The following FAP variants were observed in gnomAD, a reference collection of about 807,000 sequenced individuals.
The protein encoded by FAP is prolyl endopeptidase FAP.
Under a neutral mutation model 126.5 loss-of-function variants are expected in FAP, and 110 were observed. The ratio of observed to expected loss-of-function variants is 0.87; its 90% confidence interval spans 0.74 to 1.02. FAP has a LOEUF of 1.02. FAP is among the 50% of genes least tolerant of loss of function. The pLI is 0.00. For missense variants in FAP, 919 were observed against 909.2 expected, an observed-to-expected ratio of 1.01 and a Z score of -0.14; for synonymous variants, 334 against 297.3, an observed-to-expected ratio of 1.12 and a Z score of -1.27.
At chr2:162,186,762 G>A (rs758504306) in intron 20 of FAP, among the ~76,000 whole-genome samples, 4 of 152,062 alleles carry the variant, frequency 2.6e-5, no homozygotes, top group Non-Finnish European at 5.9e-5. Flanking sequence ...GCAAATAGAT[G>A]TGAGCCATGG....
chr2:162,173,592 T>C (rs894676406), intron 23 of FAP, 131 bp downstream of exon 23: 14 of 687,472 alleles, frequency 2.0e-5, no homozygotes, highest in Non-Finnish European at 3.4e-5. Context: ...TAGTGATGTG[T>C]TTTGCAATTA....
chr2:162,188,124 AC>A, intron 20 of FAP, 44 bp downstream of exon 20: 2 of 1,467,686 alleles, frequency 1.4e-6, no homozygotes, highest in East Asian at 4.6e-5. Context: ...TGATTGCATG[AC>A]TTTTGTTGCA....
intron 14 of FAP, among the ~76,000 whole-genome samples, chr2:162,201,133 A>G (rs892408068): frequency 6.6e-6 from 1 of 152,200 alleles, no homozygotes; most frequent in African/African-American, 2.4e-5. Flanking sequence ...TTAAGTATCC[A>G]GGTTCTGATT....
chr2:162,242,956 C>G lies in FAP; in HGVS notation c.43G>C (p.Ala15Pro), dbSNP rs1355735603. ...CACATCACCAATAAGGCAAGCACAG[C>G]AGAGGTGGCAACTCCAAATACGATT... is the stretch of plus-strand genomic sequence containing the variant. ...VKIVFGVATSAVLALLVMCIV... is the reference protein window; with the variant it reads ...VKIVFGVATSPVLALLVMCIV... The change falls in exon 2 of 26, where the codon GCT becomes CCT. Residue 15 changes from alanine (A) to proline (P), a missense_variant. Transcript: ENST00000188790. 1 of 1,613,102 alleles carries G rather than the reference C, an allele frequency of 6.2e-7. No homozygotes were observed. The highest frequency in any genetic ancestry group is 1.7e-5 in the Admixed American group (1 of 59,866).
chr2:162,208,098 A>T (rs1277078338), intron 12 of FAP, among the ~76,000 whole-genome samples: 1 of 151,830 alleles, frequency 6.6e-6, no homozygotes, highest in African/African-American at 2.4e-5. Context: ...TCTATTAAAA[A>T]TACAAAAATT....
chr2:162,177,081 C>T (rs964154933), intron 21 of FAP, among the ~76,000 whole-genome samples: 2 of 151,440 alleles, frequency 1.3e-5, no homozygotes, highest in Non-Finnish European at 3.0e-5. Flanking sequence ...CTTTTTCCTG[C>T]CCCCCCTCCA....
chr2:162,200,619 C>A lies in FAP; in HGVS notation c.1224G>T (p.Leu408=), dbSNP rs150109944. 2.2e-6 allele frequency: 3 copies of A among 1,376,272 alleles called. No individual in the cohort carries two copies. The highest frequency in any genetic ancestry group is 4.7e-5 in the East Asian group (2 of 42,408). The allele number at this position is 1,376,272 out of a possible 1,614,324, so 85.3% of individuals were successfully genotyped here. ...INIFRVTQDS[L]FYSSNEFEEY... ...CTTCAAATTCATTGCTAGAATAAAA[C>A]CTGAAAATATATTCAGAAATTATTA... The change falls in exon 15 of 26, where the codon CTG becomes CTT. Residue 408 remains leucine (L), a splice_region_variant and synonymous_variant. Transcript: ENST00000188790.
intron 14 of FAP, among the ~76,000 whole-genome samples, chr2:162,201,454 G>T (rs1688495710): frequency 1.3e-5 from 2 of 152,090 alleles, no homozygotes; most frequent in South Asian, 4.1e-4. Context: ...AACTTTGCAT[G>T]ACTCCCATCA....
At chr2:162,210,166 C>T (rs890489704) in intron 11 of FAP, among the ~76,000 whole-genome samples, 170 bp from the exon 12 acceptor site, 1 of 152,140 alleles carries the variant, frequency 6.6e-6, no homozygotes, top group African/African-American at 2.4e-5. Context: ...CATATAACAG[C>T]ACTGTTGTAT....
chr2:162,175,180 G>C, intron 21 of FAP: 1 of 460,500 alleles, frequency 2.2e-6, no homozygotes, highest in Non-Finnish European at 4.0e-6. Flanking sequence ...GAAATACTTG[G>C]TGTGCTGATC....
At chr2:162,228,802 C>T (rs1689770571) in intron 2 of FAP, among the ~76,000 whole-genome samples, 2 of 152,132 alleles carry the variant, frequency 1.3e-5, no homozygotes, top group African/African-American at 4.8e-5. Flanking sequence ...AAAATAATTG[C>T]CAAGTATTGT....
At chr2:162,183,494 G>GA in intron 20 of FAP, 26 bp from the exon 21 acceptor site, 1 of 1,417,296 alleles carries the variant, frequency 7.1e-7, no homozygotes, top group South Asian at 1.2e-5. Flanking sequence ...CAAATTTTTA[G>GA]AATGTTAAGT....
intron 16 of FAP, chr2:162,197,794 C>A (rs1271072901): frequency 5.0e-5 from 18 of 362,238 alleles, no homozygotes; most frequent in Non-Finnish European, 8.1e-5. Flanking sequence ...AAGCCACATA[C>A]CCCTACCAGG....
intron 16 of FAP, among the ~76,000 whole-genome samples, chr2:162,195,790 T>G (rs1688231530): frequency 6.6e-6 from 1 of 152,158 alleles, no homozygotes; most frequent in Non-Finnish European, 1.5e-5. Context: ...CTTTTAAGCA[T>G]AAATTTGCTC....
chr2:162,181,292 T>G (rs1006832733), intron 21 of FAP, among the ~76,000 whole-genome samples: 1 of 151,354 alleles, frequency 6.6e-6, no homozygotes, highest in Non-Finnish European at 1.5e-5. Context: ...AGAAAAAAAA[T>G]AAAAAAGGTG....
At chr2:162,207,571 C>T (rs1229879138) in intron 12 of FAP, among the ~76,000 whole-genome samples, 1 of 152,146 alleles carries the variant, frequency 6.6e-6, no homozygotes, top group Non-Finnish European at 1.5e-5. Context: ...GAGGTATGTG[C>T]CTCAACTGAG....
At chr2:162,234,954 C>A (rs1489202595) in intron 2 of FAP, among the ~76,000 whole-genome samples, 1 of 152,158 alleles carries the variant, frequency 6.6e-6, no homozygotes, top group Non-Finnish European at 1.5e-5. Flanking sequence ...ACACTCCCAG[C>A]GGCCCGGGCA....
intron 25 of FAP, 36 bp downstream of exon 25, chr2:162,172,775 T>G: frequency 7.0e-7 from 1 of 1,421,324 alleles, no homozygotes; most frequent in Non-Finnish European, 9.9e-7. Flanking sequence ...CTTGAGGGTC[T>G]AAGGCCATGA....
At chr2:162,176,611 C>T (rs149236031) in intron 21 of FAP, 1 of 152,250 alleles carries the variant, frequency 6.6e-6, no homozygotes, top group Admixed American at 6.5e-5. Flanking sequence ...GGAAGGCTTT[C>T]CTTCCTTCTG....
Sources: gnomAD v4.1 joint callset for allele counts (sites outside exome capture counted in the v4.1 genomes callset) on GRCh38, gnomAD v4.1.1 for gene constraint, MANE v1.5 for transcripts, NCBI Gene and HGNC (gene_info 2026-07-23, HGNC 2026-07-21) for gene names.